The following OTUD4 variants were observed in gnomAD, a reference collection of about 807,000 sequenced individuals.
OTUD4 encodes the protein OTU deubiquitinase 4.
In OTUD4, 24 loss-of-function variants were observed where a neutral mutation model predicts 130.4. The ratio of observed to expected loss-of-function variants is 0.18; its 90% CI spans 0.13 to 0.26. The LOEUF is 0.26. Ranked by LOEUF, OTUD4 falls within the 10% of genes least tolerant of loss-of-function variation. OTUD4 has a pLI of 1.00. For synonymous variants in OTUD4, 420 were observed against 472.5 expected (o/e 0.89, Z 1.44); for missense variants, 1,031 against 1,329.4 (o/e 0.78, Z 3.49).
At chr4:145,164,025 A>T (rs1751724280) in intron 5 of OTUD4, 129 bp downstream of exon 5, 1 of 553,332 alleles carries the variant, frequency 1.8e-6, no homozygotes. Flanking sequence ...CTTTTAAGAA[A>T]TCAGAATACC....
chr4:145,174,554 A>G, intron 2 of OTUD4, 107 bp downstream of exon 2: 1 of 662,216 alleles, frequency 1.5e-6, no homozygotes, highest in Non-Finnish European at 2.8e-6. Flanking sequence ...TGTTATTTTC[A>G]TAACCCGCAT....
chr4:145,146,040 GTT>G, intron 14 of OTUD4: 2 of 326,044 alleles, frequency 6.1e-6, no homozygotes. Context: ...GAACAAACCA[GTT>G]TACTTGCCTC....
intron 7 of OTUD4, among the ~76,000 whole-genome samples, chr4:145,157,939 A>G (rs1005925401): frequency 1.5e-4 from 23 of 152,172 alleles, no homozygotes; most frequent in Admixed American, 2.0e-4. Context: ...GGCATGTTCT[A>G]AAAGTCCCCC....
intron 18 of OTUD4, among the ~76,000 whole-genome samples, 177 bp downstream of exon 18, chr4:145,142,019 C>T (rs1305481195): frequency 6.6e-6 from 1 of 152,216 alleles, no homozygotes; most frequent in Non-Finnish European, 1.5e-5. Flanking sequence ...ATGAATACAA[C>T]ACCAAATGTA....
chr4:145,157,544 C>T (rs1487273255), intron 7 of OTUD4, among the ~76,000 whole-genome samples: 1 of 151,936 alleles, frequency 6.6e-6, no homozygotes, highest in Non-Finnish European at 1.5e-5. Flanking sequence ...ATTAGCCAGG[C>T]GTGGTGGCAC....
At chr4:145,153,928 G>T (rs1034031611) in intron 10 of OTUD4, among the ~76,000 whole-genome samples, 7 of 152,276 alleles carry the variant, frequency 4.6e-5, no homozygotes, top group African/African-American at 1.7e-4. Flanking sequence ...AGTCATCTCA[G>T]TTTCTTAAAA....
chr4:145,174,147 A>C (rs1752310789), intron 2 of OTUD4, among the ~76,000 whole-genome samples: 1 of 151,984 alleles, frequency 6.6e-6, no homozygotes, highest in African/African-American at 2.4e-5. Context: ...GCTGGGACTC[A>C]GGCATGTGCC....
At chr4:145,174,260 C>G (rs1752317353) in intron 2 of OTUD4, among the ~76,000 whole-genome samples, 1 of 152,136 alleles carries the variant, frequency 6.6e-6, no homozygotes, top group Non-Finnish European at 1.5e-5. Context: ...TGTGAGCCAC[C>G]ATGCCCAGAC....
At chr4:145,147,381 A>G (rs533309238) in intron 13 of OTUD4, among the ~76,000 whole-genome samples, 1 of 152,310 alleles carries the variant, frequency 6.6e-6, no homozygotes, top group Non-Finnish European at 1.5e-5. Flanking sequence ...GGGATAGAAA[A>G]TCTGGACTCT....
chr4:145,144,001 T>A lies in OTUD4; in HGVS notation c.1547A>T (p.Asp516Val). 1 of 1,610,482 alleles carries A rather than the reference T, an allele frequency of 6.2e-7. No homozygotes were observed. Among genetic ancestry groups the A allele is most frequent in the Non-Finnish European group, 8.5e-7 (1 of 1,177,126 alleles). ...CAACTGACTATGTCCATGAATAGAG[T>A]CTATAGCAGATCAAGATTAAAAAAG... ...RMDTEERKDK[D>V]SIHGHSQLDK... The change falls in exon 16 of 21, where the codon GAC (aspartate) becomes GTC (valine). Residue 516 changes from aspartate (D) to valine (V), a missense_variant and splice_region_variant. Coordinates refer to ENST00000447906, the MANE Select transcript of OTUD4 (RefSeq NM_001366057.1).
chr4:145,155,526 T>C (rs765260502), intron 9 of OTUD4, 43 bp downstream of exon 9: 1 of 1,597,670 alleles, frequency 6.3e-7, no homozygotes, highest in South Asian at 1.1e-5. Context: ...TATTTTCAAG[T>C]GCTACAAAGC....
At chr4:145,153,553 T>A (rs560080402) in intron 10 of OTUD4, among the ~76,000 whole-genome samples, 7 of 152,346 alleles carry the variant, frequency 4.6e-5, no homozygotes, top group South Asian at 4.1e-4. Context: ...ATTTTTCCTA[T>A]ATTAAAAATG....
intron 4 of OTUD4, among the ~76,000 whole-genome samples, chr4:145,164,555 G>A (rs1165819416): frequency 2.0e-5 from 3 of 151,972 alleles, no homozygotes; most frequent in Non-Finnish European, 2.9e-5. Context: ...TCCTCTACTA[G>A]GCAAAAGTAG....
intron 15 of OTUD4, 90 bp downstream of exon 15, chr4:145,144,221 T>C: frequency 7.1e-7 from 1 of 1,412,970 alleles, no homozygotes; most frequent in South Asian, 1.3e-5. Flanking sequence ...ACTTAACAAC[T>C]TAAAAAGGGT....
intron 10 of OTUD4, among the ~76,000 whole-genome samples, chr4:145,154,679 T>G (rs539915206): frequency 6.6e-4 from 101 of 152,348 alleles, no homozygotes; most frequent in African/African-American, 2.3e-3. Context: ...ACTGACACTT[T>G]GGACTAGGTA....
intron 2 of OTUD4, among the ~76,000 whole-genome samples, chr4:145,172,778 T>C (rs978669186): frequency 2.0e-5 from 3 of 152,034 alleles, no homozygotes; most frequent in South Asian, 4.1e-4. Context: ...AAGAGCCATA[T>C]ATATTAAAGA....
At chr4:145,178,885 G>A (rs1283086757) in intron 1 of OTUD4, among the ~76,000 whole-genome samples, 1 of 152,296 alleles carries the variant, frequency 6.6e-6, no homozygotes, top group Middle Eastern at 3.4e-3. Context: ...AGGGAGGGGT[G>A]TGCAATGGGG....
In OTUD4 at chr4:145,138,603, C is replaced by G. The variant is rs1750400886; in HGVS notation, c.2172G>C (p.Leu724=). The stretch of plus-strand genomic sequence containing the variant: ...TGCAGGCTGCCAGGTAGGCCTGGTG[C>G]AGAGGGTACAGGTAAGAATGTGGGG... ...MWAPHSYLYP[L]HQAYLAACRM... is the part of the protein sequence containing the mutation. Residue 724 remains leucine, a synonymous_variant, in exon 21 of 21, where the codon CTG becomes CTC. Coordinates refer to ENST00000447906, the MANE Select transcript of OTUD4 (RefSeq NM_001366057.1). The G allele has an allele frequency of 6.2e-7, 1 of 1,613,522 alleles. No individual in the cohort carries two copies. Among genetic ancestry groups the G allele is most frequent in the Non-Finnish European group, 8.5e-7 (1 of 1,179,706 alleles).
intron 6 of OTUD4, among the ~76,000 whole-genome samples, 168 bp from the exon 7 acceptor site, chr4:145,159,803 G>A (rs906079752): frequency 3.3e-5 from 5 of 152,264 alleles, no homozygotes; most frequent in Admixed American, 2.0e-4. Flanking sequence ...AAGTTACCTA[G>A]GGTACAGCTA....
Sources: gnomAD v4.1 joint callset for allele counts (sites outside exome capture counted in the v4.1 genomes callset) on GRCh38, gnomAD v4.1.1 for gene constraint, MANE v1.5 for transcripts, NCBI Gene and HGNC (gene_info 2026-07-23, HGNC 2026-07-21) for gene names.